Variants in ATP8B1 observed in about 807,000 individuals in gnomAD.
The protein encoded by ATP8B1 is ATPase phospholipid transporting 8B1.
Under a neutral mutation model 149.9 loss-of-function variants are expected in ATP8B1, and 80 were observed. That is an observed-to-expected ratio of 0.53 (90% CI 0.45 to 0.64). The LOEUF (loss-of-function observed/expected upper bound fraction) is 0.64, where lower values mean the gene tolerates loss of function less well. Among genes scored for constraint, ATP8B1 ranks in the 30% least tolerant of loss-of-function variants. The probability of loss-of-function intolerance (pLI) is 0.00; values close to 1 mark genes in which losing one functional copy is unlikely to be tolerated. For missense variants in ATP8B1, 1,247 were observed against 1,552.6 expected (o/e 0.80, Z 3.31); for synonymous variants, 536 against 562.8 (o/e 0.95, Z 0.67).
chr18:57,781,209 C>T (rs545519515), intron 1 of ATP8B1, among the ~76,000 whole-genome samples: 2 of 152,154 alleles, frequency 1.3e-5, no homozygotes, highest in African/African-American at 2.4e-5. Context: ...CAAAGTCTCC[C>T]GAGGTGATTT....
chr18:57,764,419 C>T (rs774879870), intron 1 of ATP8B1, among the ~76,000 whole-genome samples: 6 of 145,430 alleles, frequency 4.1e-5, no homozygotes, highest in East Asian at 2.0e-4. Context: ...CTCTCTTTCT[C>T]TCTTTCTTTC....
intron 1 of ATP8B1, among the ~76,000 whole-genome samples, chr18:57,759,825 G>GA (rs113979064): frequency 0.27 from 34,280 of 128,246 alleles, 4,552 homozygotes; most frequent in Middle Eastern, 0.36. Flanking sequence ...TCTCGGGAAA[G>GA]AAAAAAAAAA....
intron 2 of ATP8B1, among the ~76,000 whole-genome samples, chr18:57,728,604 T>C (rs563211344): frequency 1.3e-5 from 2 of 152,114 alleles, no homozygotes; most frequent in South Asian, 4.2e-4. Flanking sequence ...AATAAGAATT[T>C]TTGTAAAAAG....
chr18:57,795,116 G>A (rs2080500448), intron 1 of ATP8B1, among the ~76,000 whole-genome samples: 1 of 152,140 alleles, frequency 6.6e-6, no homozygotes, highest in Non-Finnish European at 1.5e-5. Flanking sequence ...AGCCAGAGGT[G>A]GGCCAGGCAT....
chr18:57,663,401 C>T lies in ATP8B1; in HGVS notation c.2286-786G>A, dbSNP rs558929125. 5.9e-5 allele frequency among the ~76,000 whole-genome samples: 9 copies of T among 152,266 alleles called. No homozygotes were observed. The South Asian group carries it at 1.9e-3, about 32-fold the overall frequency. Reference sequence around the variant, plus strand: ...CAGTGTTGCTGTGAACATGGGTGTGCATGTATCTCTTTGAGATCCTGCTTT... The same window carrying T: ...CAGTGTTGCTGTGAACATGGGTGTGTATGTATCTCTTTGAGATCCTGCTTT... On this transcript the variant is annotated intron_variant, in intron 20 of 27. Transcript: ENST00000648908.
intron 12 of ATP8B1, 69 bp from the exon 13 acceptor site, chr18:57,688,576 C>T: frequency 6.7e-7 from 1 of 1,496,244 alleles, no homozygotes; most frequent in African/African-American, 1.4e-5. Flanking sequence ...AGATTTTATT[C>T]TCATTGTACA....
chr18:57,745,926 G>A (rs1489386255), intron 1 of ATP8B1, among the ~76,000 whole-genome samples: 1 of 152,172 alleles, frequency 6.6e-6, no homozygotes, highest in Non-Finnish European at 1.5e-5. Flanking sequence ...CTCCCAAGGT[G>A]TTGGGATGAT....
intron 8 of ATP8B1, among the ~76,000 whole-genome samples, chr18:57,696,734 G>A (rs1344241727): frequency 6.6e-6 from 1 of 152,158 alleles, no homozygotes; most frequent in Admixed American, 6.6e-5. Context: ...GTGACCTTGG[G>A]CGGGCTGCTG....
intron 1 of ATP8B1, among the ~76,000 whole-genome samples, chr18:57,738,816 C>T (rs1235720289): frequency 6.6e-6 from 1 of 151,992 alleles, no homozygotes; most frequent in African/African-American, 2.4e-5. Context: ...CCACCAAAGG[C>T]ATGCCATTCT....
chr18:57,701,071 G>T lies in ATP8B1; in HGVS notation c.522C>A (p.Asn174Lys). Residue 174 changes from asparagine to lysine, a missense_variant, in exon 6 of 28, where the codon AAC becomes AAA. Asn to Lys is a moderately conservative substitution (Grantham distance 94). Around this residue, in one of 3 missense-constraint regions of ATP8B1, gnomAD observed 853 missense variants for 1,035.7 expected, o/e 0.82. Transcript: ENST00000648908. ...VARHKMDKEINNRTCEVIKDG... is the reference protein window; with the variant it reads ...VARHKMDKEIKNRTCEVIKDG... ...CCTTAATGACTTCACACGTCCTATTGTTGATTTCCTTATCCATTTTATGGC... is the reference window on the plus strand; with the variant it reads ...CCTTAATGACTTCACACGTCCTATTTTTGATTTCCTTATCCATTTTATGGC... 1 of 1,614,138 alleles carries T rather than the reference G, an allele frequency of 6.2e-7. No individual in the cohort carries two copies. Among genetic ancestry groups the T allele is most frequent in the Non-Finnish European group, 8.5e-7 (1 of 1,180,002 alleles).
At chr18:57,755,096 A>G (rs2080064372) in intron 1 of ATP8B1, among the ~76,000 whole-genome samples, 1 of 152,216 alleles carries the variant, frequency 6.6e-6, no homozygotes. Context: ...CACAATATCC[A>G]GTGTATATCT....
At chr18:57,744,959 A>T (rs913392201) in intron 1 of ATP8B1, among the ~76,000 whole-genome samples, 1 of 152,248 alleles carries the variant, frequency 6.6e-6, no homozygotes, top group Non-Finnish European at 1.5e-5. Flanking sequence ...GAGGCAGATA[A>T]GTAAATAGAA....
At position 57,661,235 on chromosome 18, in the gene ATP8B1, C is replaced by T. The variant is rs1910377328; in HGVS notation, c.2646G>A (p.Arg882=). ...TGGCCAGCGTGATGGCTTTCTTGTA[C>T]CTCTTCACCAGGTCCACCACCATGG... ...QKAMVVDLVK[R]YKKAITLAIG... Residue 882 remains arginine (R), a synonymous_variant, in exon 22 of 28, where the codon AGG becomes AGA. Transcript: ENST00000648908. 6.2e-7 allele frequency: 1 copy of T among 1,614,046 alleles called. No homozygotes were observed. Among genetic ancestry groups the T allele is most frequent in the Non-Finnish European group, 8.5e-7 (1 of 1,180,016 alleles).
intron 1 of ATP8B1, among the ~76,000 whole-genome samples, chr18:57,766,033 A>C: frequency 6.6e-6 from 1 of 151,250 alleles, no homozygotes; most frequent in African/African-American, 2.4e-5. Context: ...TATCACAATA[A>C]TTTTTTTTTC....
At chr18:57,661,713 A>ATAT (rs1376167519) in intron 21 of ATP8B1, among the ~76,000 whole-genome samples, 32 of 92,672 alleles carry the variant, frequency 3.5e-4, no homozygotes, top group African/African-American at 1.3e-3. Context: ...ATATATATAT[A>ATAT]TTTTTTTTTT....
chr18:57,684,030 A>G lies in ATP8B1; in HGVS notation c.1630+6T>C, dbSNP rs1296561382. On this transcript the variant is annotated splice_donor_region_variant and intron_variant, in intron 15 of 27. Transcript: ENST00000648908. Reference sequence around the variant, plus strand: ...CTAATGCCTGAGATGCCAGAGAAACACTCACCATCAGTCCTATCCACCATG... The same window carrying G: ...CTAATGCCTGAGATGCCAGAGAAACGCTCACCATCAGTCCTATCCACCATG... 2 of 1,614,178 alleles carry G rather than the reference A, an allele frequency of 1.2e-6. No individual in the cohort carries two copies. Among genetic ancestry groups the G allele is most frequent in the African/African-American group, 2.7e-5 (2 of 75,046 alleles).
Position 57,661,185 on chromosome 18 carries a change from T to C in ATP8B1, c.2696A>G (p.Asn899Ser). ...GGTGCATGACTCACTTTTGATCATG[T>C]TCACGTCATTGGCCCCATCTCCGAT... Reference protein sequence around the residue: ...LAIGDGANDVNMIKTAHIGVG... With the variant: ...LAIGDGANDVSMIKTAHIGVG... The change falls in exon 22 of 28, where the codon AAC becomes AGC. Residue 899 changes from asparagine (N) to serine (S), a missense_variant. Transcript: ENST00000648908. The C allele has an allele frequency of 6.2e-7, 1 of 1,613,858 alleles. No homozygotes were observed. Among genetic ancestry groups the C allele is most frequent in the Non-Finnish European group, 8.5e-7 (1 of 1,180,028 alleles).
intron 1 of ATP8B1, among the ~76,000 whole-genome samples, chr18:57,770,673 T>G (rs2080255974): frequency 6.6e-6 from 1 of 152,242 alleles, no homozygotes; most frequent in Non-Finnish European, 1.5e-5. Flanking sequence ...GTGGGGAGGC[T>G]ACCCCTTGGG....
At chr18:57,713,184 T>TTCCTTCCTTCCTTCCTTCCTTCCTTCC (rs1913780830) in intron 2 of ATP8B1, among the ~76,000 whole-genome samples, 2 of 91,288 alleles carry the variant, frequency 2.2e-5, no homozygotes, top group Admixed American at 1.2e-4. Flanking sequence ...TCTTTCTTTC[T>TTCCTTCCTTCCTTCCTTCCTTCCTTCC]TTCTTTCTTT....
Sources: allele counts gnomAD v4.1 joint callset (sites outside exome capture counted in the v4.1 genomes callset), GRCh38; gene constraint gnomAD v4.1.1; regional missense constraint gnomAD v4.1.1; transcripts MANE v1.5; gene names NCBI Gene and HGNC (gene_info 2026-07-23, HGNC 2026-07-21).